IL1R1: variants seen among roughly 807,000 people sequenced by gnomAD.
IL1R1 encodes interleukin 1 receptor type 1.
A neutral mutation model predicts 50.2 loss-of-function variants in IL1R1; 22 were observed. The ratio of observed to expected loss-of-function variants is 0.44; its 90% CI spans 0.31 to 0.63. The LOEUF is 0.63. Ranked by LOEUF, IL1R1 falls within the 20% of genes least tolerant of loss-of-function variation. The pLI is 0.07. For missense variants in IL1R1, 509 were observed against 676.2 expected, an observed-to-expected ratio of 0.75 and a Z score of 2.74; for synonymous variants, 251 against 236.7, an observed-to-expected ratio of 1.06 and a Z score of -0.55.
chr2:102,132,561 C>G (rs1359905658), intron 1 of IL1R1, among the ~76,000 whole-genome samples: 1 of 151,950 alleles, frequency 6.6e-6, no homozygotes, highest in Admixed American at 6.6e-5. Flanking sequence ...ACCAAACAAG[C>G]AAAAGATAAG....
chr2:102,127,540 G>A (rs891839825), intron 1 of IL1R1, among the ~76,000 whole-genome samples: 4 of 152,098 alleles, frequency 2.6e-5, no homozygotes, highest in Admixed American at 2.0e-4. Flanking sequence ...ACATTCTAGA[G>A]GGGGTAGACA....
intron 1 of IL1R1, among the ~76,000 whole-genome samples, chr2:102,112,714 T>C (rs1680841213): frequency 6.6e-6 from 1 of 152,226 alleles, no homozygotes; most frequent in African/African-American, 2.4e-5. Flanking sequence ...TTAAGTGTAA[T>C]GGAAATAAAT....
intron 1 of IL1R1, among the ~76,000 whole-genome samples, chr2:102,078,903 G>T (rs1187821524): frequency 6.6e-6 from 1 of 152,070 alleles, no homozygotes; most frequent in Non-Finnish European, 1.5e-5. Flanking sequence ...GACCAAGTGG[G>T]ATTTATCCTA....
chr2:102,107,405 C>T (rs559623641), intron 1 of IL1R1, among the ~76,000 whole-genome samples: 8 of 151,948 alleles, frequency 5.3e-5, no homozygotes, highest in Admixed American at 1.3e-4. Flanking sequence ...GAAAACCAAA[C>T]GCCGCATATT....
chr2:102,096,462 G>T (rs1171095038), intron 1 of IL1R1, among the ~76,000 whole-genome samples: 1 of 151,960 alleles, frequency 6.6e-6, no homozygotes, highest in African/African-American at 2.4e-5. Context: ...AATTTCCTTG[G>T]GTTTTTAAGT....
chr2:102,112,187 G>A (rs1476267864), intron 1 of IL1R1, among the ~76,000 whole-genome samples: 1 of 151,974 alleles, frequency 6.6e-6, no homozygotes, highest in Non-Finnish European at 1.5e-5. Flanking sequence ...GCCCAGAGGT[G>A]CTTCCATTGT....
At chr2:102,131,459 T>G (rs1682024609) in intron 1 of IL1R1, among the ~76,000 whole-genome samples, 1 of 152,072 alleles carries the variant, frequency 6.6e-6, no homozygotes, top group Non-Finnish European at 1.5e-5. Context: ...GGAAACAGTT[T>G]TTATAACTGT....
intron 1 of IL1R1, among the ~76,000 whole-genome samples, chr2:102,111,053 T>C (rs564618090): frequency 1.2e-4 from 18 of 152,110 alleles, no homozygotes. Context: ...AGCAGCTCTA[T>C]GTATGGCCAA....
At chr2:102,136,191 C>T (rs1448999556) in intron 1 of IL1R1, among the ~76,000 whole-genome samples, 1 of 152,152 alleles carries the variant, frequency 6.6e-6, no homozygotes, top group African/African-American at 2.4e-5. Flanking sequence ...GCAGGTCTAA[C>T]TATCCCAGAG....
chr2:102,122,344 C>T (rs1005774905), intron 1 of IL1R1, among the ~76,000 whole-genome samples: 2 of 152,154 alleles, frequency 1.3e-5, no homozygotes, highest in Non-Finnish European at 2.9e-5. Context: ...GTCAGGCCTG[C>T]TGAGATACAG....
chr2:102,136,228 G>T (rs1326717355), intron 1 of IL1R1, among the ~76,000 whole-genome samples: 1 of 152,096 alleles, frequency 6.6e-6, no homozygotes, highest in Non-Finnish European at 1.5e-5. Flanking sequence ...CTGCCATCCA[G>T]GCTCTTAACA....
At chr2:102,141,827 G>C (rs539699047), upstream of IL1R1, 5 of 152,358 alleles carry the variant, frequency 3.3e-5, no homozygotes, top group East Asian at 7.7e-4. Context: ...CCAGTCACTT[G>C]CTGAAGACTA....
intron 9 of IL1R1, 111 bp from the exon 10 acceptor site, chr2:102,174,476 C>T: frequency 2.9e-6 from 2 of 685,436 alleles, no homozygotes; most frequent in Non-Finnish European, 4.7e-6. Context: ...GAATGCAGGC[C>T]ATTCCCAGAT....
At chr2:102,079,414 A>AATCAATAT (rs1474081637) in intron 1 of IL1R1, among the ~76,000 whole-genome samples, 2 of 152,138 alleles carry the variant, frequency 1.3e-5, no homozygotes, top group Admixed American at 1.3e-4. Flanking sequence ...CAAGATACAA[A>AATCAATAT]ATCAATATAT....
Position 102,174,741 on chromosome 2 carries a change from G to A in IL1R1, c.1135+11G>A. The A allele has an allele frequency of 6.2e-7, 1 of 1,601,592 alleles. No homozygotes were observed. The highest frequency in any genetic ancestry group is 1.1e-5 in the South Asian group (1 of 89,028). On this transcript the variant is annotated intron_variant, in intron 10 of 11. Transcript: ENST00000410023. ...TTCTCCCAATAAAAGGTATAATTTT[G>A]TATTCCATGCAGTATTTCTTGTTGG...
chr2:102,076,616 C>T lies in IL1R1; in HGVS notation c.-84+6083C>T, dbSNP rs994888476. 4.5e-4 allele frequency among the ~76,000 whole-genome samples: 69 copies of T among 151,996 alleles called. 1 individual carries two copies. The highest frequency in any genetic ancestry group is 1.6e-3 in the African/African-American group (65 of 41,388). The stretch of plus-strand genomic sequence containing the variant: ...TAGGTCTAGAATTATTTCTTTTAGC[C>T]CTTTAAAGATATTGATCTAGGGTCT... On this transcript the variant is annotated intron_variant, in intron 1 of 11. Transcript: ENST00000409929.
chr2:102,109,438 A>G (rs1680616722), intron 1 of IL1R1, among the ~76,000 whole-genome samples: 1 of 150,820 alleles, frequency 6.6e-6, no homozygotes. Context: ...GCTGCAGGCT[A>G]GTGAGGAGAG....
rs571462839 is a variant in IL1R1, at chr2:102,096,172, A to G, written c.-84+25639A>G. Among the ~76,000 whole-genome samples the G allele has an allele frequency of 3.9e-5, 6 of 152,258 alleles. No homozygotes were observed. In the South Asian group the frequency reaches 1.2e-3, roughly 32 times the overall value. ...AATTGACGCATTCATTTTCCACTCA[A>G]TGAATTTGGGGACTTTTACAGGATT... On this transcript the variant is annotated intron_variant, in intron 1 of 11. Coordinates refer to the IL1R1 transcript ENST00000409929.
At chr2:102,093,831 C>T (rs533908446) in intron 1 of IL1R1, among the ~76,000 whole-genome samples, 1 of 151,812 alleles carries the variant, frequency 6.6e-6, no homozygotes, top group South Asian at 2.1e-4. Context: ...CCCACCTCCT[C>T]TGAGTGTCCG....
Sources: gnomAD v4.1 joint callset for allele counts (sites outside exome capture counted in the v4.1 genomes callset) on GRCh38, gnomAD v4.1.1 for gene constraint, MANE v1.5 for transcripts, NCBI Gene and HGNC (gene_info 2026-07-23, HGNC 2026-07-21) for gene names.